Variants in STRBP observed in about 807,000 individuals in gnomAD.
STRBP encodes the protein spermatid perinuclear RNA binding protein, also known as spermatid perinuclear RNA-binding protein.
STRBP carries 13 observed loss-of-function variants against 80.1 expected under a neutral mutation model. The ratio of observed to expected loss-of-function variants is 0.16; its 90% CI spans 0.11 to 0.26. The LOEUF is 0.26. STRBP is among the 10% of genes least tolerant of loss of function. The pLI, the probability that STRBP is intolerant of heterozygous loss-of-function variation, is 1.00. For synonymous variants in STRBP, 284 were observed against 291.2 expected (o/e 0.98, Z 0.25); for missense variants, 485 against 815.2 (o/e 0.59, Z 4.93).
At chr9:123,184,008 T>C in intron 3 of STRBP, 124 bp downstream of exon 3, 2 of 803,366 alleles carry the variant, frequency 2.5e-6, no homozygotes, top group Non-Finnish European at 4.0e-6. Flanking sequence ...GCCATCTTTA[T>C]ATGACACACT....
At chr9:123,231,755 A>G (rs1486838366) in intron 2 of STRBP, among the ~76,000 whole-genome samples, 2 of 152,192 alleles carry the variant, frequency 1.3e-5, no homozygotes, top group Non-Finnish European at 2.9e-5. Flanking sequence ...ATTCCATGAA[A>G]TGATCTCTTA....
At chr9:123,199,044 A>G (rs2039212685) in intron 2 of STRBP, among the ~76,000 whole-genome samples, 1 of 152,202 alleles carries the variant, frequency 6.6e-6, no homozygotes, top group Non-Finnish European at 1.5e-5. Flanking sequence ...TCCTGGGTTC[A>G]AGCGATTCTC....
chr9:123,173,741 C>T lies in STRBP; in HGVS notation c.326G>A (p.Cys109Tyr). 6.2e-7 allele frequency: 1 copy of T among 1,613,844 alleles called. No homozygotes were observed. Among genetic ancestry groups the T allele is most frequent in the Non-Finnish European group, 8.5e-7 (1 of 1,179,878 alleles). Residue 109 changes from cysteine to tyrosine, a missense_variant, in exon 5 of 19, where the codon TGC becomes TAC. Physicochemically the swap from Cys to Tyr is radical, Grantham distance 194. Around this residue, in one of 3 missense-constraint regions of STRBP, gnomAD observed 377 missense variants for 616.1 expected, o/e 0.61. Transcript: ENST00000348403. ...CAGGGTCTCTGTGGGTTTGTCTTTG[C>T]ACATTAAAACCAGCTCCAAGTCCAT... ...DDMDLELVLM[C>Y]KDKPTETLLN...
chr9:123,239,296 ACC>A (rs1200919788), intron 1 of STRBP, among the ~76,000 whole-genome samples: 6 of 152,026 alleles, frequency 3.9e-5, no homozygotes, highest in Non-Finnish European at 5.9e-5. Flanking sequence ...AATGGCGTGA[ACC>A]CGGGAGGCAG....
chr9:123,202,998 C>A (rs2039382622), intron 2 of STRBP, among the ~76,000 whole-genome samples: 1 of 152,198 alleles, frequency 6.6e-6, no homozygotes, highest in South Asian at 2.1e-4. Flanking sequence ...TACTTCCCCA[C>A]CTGAAAATAA....
chr9:123,186,488 C>T (rs1471341547), intron 2 of STRBP, among the ~76,000 whole-genome samples: 1 of 152,114 alleles, frequency 6.6e-6, no homozygotes, highest in African/African-American at 2.4e-5. Flanking sequence ...AACTACCCTA[C>T]CATCAAGAAC....
At chr9:123,117,021 G>A (rs571359943), downstream of STRBP, among the ~76,000 whole-genome samples, 1 of 152,274 alleles carries the variant, frequency 6.6e-6, no homozygotes, top group African/African-American at 2.4e-5. Context: ...GTGGTTTGGA[G>A]AGATCTCTGG....
intron 13 of STRBP, among the ~76,000 whole-genome samples, chr9:123,142,718 T>C (rs2036641479): frequency 6.6e-6 from 1 of 152,170 alleles, no homozygotes; most frequent in Admixed American, 6.5e-5. Flanking sequence ...TTTTCCCTAT[T>C]GCAATAATAG....
chr9:123,208,112 G>GT (rs1370045240), intron 2 of STRBP, among the ~76,000 whole-genome samples: 1 of 149,930 alleles, frequency 6.7e-6, no homozygotes, highest in Non-Finnish European at 1.5e-5. Context: ...AAAGAAGACT[G>GT]TAAGTTTTTT....
chr9:123,196,917 C>A (rs898752195), intron 2 of STRBP, among the ~76,000 whole-genome samples: 1 of 152,052 alleles, frequency 6.6e-6, no homozygotes, highest in South Asian at 2.1e-4. Context: ...ATCAGTACAT[C>A]GAAAAGGTAA....
intron 2 of STRBP, among the ~76,000 whole-genome samples, chr9:123,216,072 A>G (rs796523274): frequency 2.6e-5 from 4 of 152,322 alleles, no homozygotes; most frequent in African/African-American, 9.6e-5. Flanking sequence ...CATCCTTAAC[A>G]TCTTAAACCC....
At chr9:123,237,539 C>CA (rs533415871) in intron 1 of STRBP, among the ~76,000 whole-genome samples, 343 of 151,950 alleles carry the variant, frequency 2.3e-3, no homozygotes, top group Non-Finnish European at 3.9e-3. Flanking sequence ...TTGCTTAAGA[C>CA]AAAATTTCTT....
rs576437611 is a variant in STRBP, at chr9:123,136,287, C to T, written c.1632+94G>A. On this transcript the variant is annotated intron_variant, in intron 15 of 18. Coordinates refer to ENST00000348403, the MANE Select transcript of STRBP (RefSeq NM_018387.5). This position sits in a 1 kb window ranked among gnomAD's most constrained non-coding sequence, Gnocchi z 4.2. ...AAACACCAAAAATCAAATAGTGCCA[C>T]AAGAACTGACTCAGTCTAAAACTTT... 21 of 1,595,764 alleles carry T rather than the reference C, an allele frequency of 1.3e-5. No individual in the cohort carries two copies. Among genetic ancestry groups the T allele is most frequent in the East Asian group, 4.5e-5 (2 of 44,704 alleles).
downstream of STRBP, among the ~76,000 whole-genome samples, chr9:123,118,854 C>G (rs2035686384): frequency 1.3e-5 from 2 of 152,192 alleles, no homozygotes; most frequent in African/African-American, 2.4e-5. Flanking sequence ...CTCCTGAAGT[C>G]TTTGTAGACA....
intron 13 of STRBP, among the ~76,000 whole-genome samples, chr9:123,143,954 T>G (rs966570942): frequency 2.6e-5 from 4 of 152,132 alleles, no homozygotes; most frequent in Admixed American, 2.0e-4. Flanking sequence ...TCCCAGCACT[T>G]TGAGGGGCCG....
chr9:123,258,627 C>T (rs1429798574), intron 1 of STRBP, among the ~76,000 whole-genome samples: 9 of 151,980 alleles, frequency 5.9e-5, no homozygotes, highest in Non-Finnish European at 8.8e-5. Context: ...CACAGTGAAA[C>T]CCTGTCTCTA....
intron 13 of STRBP, among the ~76,000 whole-genome samples, chr9:123,143,809 C>T (rs1254954874): frequency 6.6e-6 from 1 of 152,156 alleles, no homozygotes; most frequent in Admixed American, 6.5e-5. Context: ...GATACTGTAA[C>T]AGACCATCTG....
chr9:123,262,641 G>A (rs954314447), intron 1 of STRBP, among the ~76,000 whole-genome samples: 7 of 152,202 alleles, frequency 4.6e-5, no homozygotes, highest in African/African-American at 1.4e-4. Flanking sequence ...GAAAGCAGAT[G>A]TTTTACACAG....
At chr9:123,226,654 T>C (rs1024376589) in intron 2 of STRBP, among the ~76,000 whole-genome samples, 2 of 152,152 alleles carry the variant, frequency 1.3e-5, no homozygotes, top group African/African-American at 2.4e-5. Flanking sequence ...TCCACAAATA[T>C]ATCTTGAATG....
Sources: allele counts gnomAD v4.1 joint callset (sites outside exome capture counted in the v4.1 genomes callset), GRCh38; gene constraint gnomAD v4.1.1; regional missense constraint gnomAD v4.1.1; non-coding constraint Gnocchi (gnomAD v3.1); transcripts MANE v1.5; gene names NCBI Gene and HGNC (gene_info 2026-07-23, HGNC 2026-07-21).